The following CCDC15 variants were observed in gnomAD, a reference collection of about 807,000 sequenced individuals.
CCDC15 encodes the protein coiled-coil domain containing 15.
A neutral mutation model predicts 114.5 loss-of-function variants in CCDC15; 105 were observed. The ratio of observed to expected loss-of-function variants is 0.92; its 90% CI spans 0.78 to 1.08. CCDC15 has a LOEUF of 1.08. CCDC15 is among the 50% of genes least tolerant of loss of function. CCDC15 has a pLI of 0.00. For missense variants in CCDC15, 1,105 were observed against 1,093.6 expected, an observed-to-expected ratio of 1.01 and a Z score of -0.15; for synonymous variants, 334 against 377.8, an observed-to-expected ratio of 0.88 and a Z score of 1.34.
At chr11:125,026,207 C>T (rs1222065381) in intron 13 of CCDC15, among the ~76,000 whole-genome samples, 2 of 152,172 alleles carry the variant, frequency 1.3e-5, no homozygotes, top group African/African-American at 4.8e-5. Flanking sequence ...AGCACTTTCG[C>T]CTGTGGTGGT....
Position 124,986,750 on chromosome 11 carries a change from C to T in CCDC15, c.762C>T (p.Asp254=). 6.5e-7 allele frequency: 1 copy of T among 1,529,312 alleles called. No homozygotes were observed. Among genetic ancestry groups the T allele is most frequent in the Non-Finnish European group, 8.8e-7 (1 of 1,137,746 alleles). The allele number at this position is 1,529,312 out of a possible 1,614,324, so 94.7% of individuals were successfully genotyped here. The change falls in exon 7 of 16, where the codon GAC becomes GAT. Residue 254 remains aspartate (D), a synonymous_variant. Coordinates refer to ENST00000344762, the MANE Select transcript of CCDC15 (RefSeq NM_025004.3). ...ATTGTTTTTTTCTTTAGGAACTTGACTATGAGGAACCTGACTATGAGGAAT... is the reference window on the plus strand; with the variant it reads ...ATTGTTTTTTTCTTTAGGAACTTGATTATGAGGAACCTGACTATGAGGAAT... The part of the protein sequence containing the change: ...YQNYMENQEL[D]YEEPDYEESS...
At position 124,986,715 on chromosome 11, in the gene CCDC15, G is replaced by A. The variant is rs755076801; in HGVS notation, c.754-27G>A. The A allele has an allele frequency of 3.3e-6, 5 of 1,519,102 alleles. No individual in the cohort carries two copies. In the South Asian group the frequency reaches 3.7e-5, roughly 11 times the overall value. The allele number at this position is 1,519,102 out of a possible 1,614,324, so 94.1% of individuals were successfully genotyped here. A position where few individuals can be genotyped will look rare whatever the true frequency, so the allele number is the denominator to read the frequency against. On this transcript the variant is annotated intron_variant, in intron 6 of 15. Coordinates refer to ENST00000344762, the MANE Select transcript of CCDC15 (RefSeq NM_025004.3). Reference sequence around the variant, plus strand: ...TTTGTGTGTGTGCGCGCGCGCGCGTGCGCGTTTTCATTGTTTTTTTCTTTA... The same window carrying A: ...TTTGTGTGTGTGCGCGCGCGCGCGTACGCGTTTTCATTGTTTTTTTCTTTA...
chr11:124,981,503 C>T (rs1359716738), intron 6 of CCDC15, among the ~76,000 whole-genome samples: 1 of 151,654 alleles, frequency 6.6e-6, no homozygotes, highest in Non-Finnish European at 1.5e-5. Context: ...CACTACCACA[C>T]CTGGCTAATT....
intron 13 of CCDC15, among the ~76,000 whole-genome samples, chr11:125,031,400 A>G (rs1021406925): frequency 6.6e-6 from 1 of 152,064 alleles, no homozygotes; most frequent in Non-Finnish European, 1.5e-5. Context: ...TCCTCACATA[A>G]CTTACTTGTG....
chr11:124,977,438 C>T lies in CCDC15; in HGVS notation c.631-40C>T. The T allele has an allele frequency of 2.0e-6, 3 of 1,519,210 alleles. No individual in the cohort carries two copies. In the South Asian group the frequency reaches 3.9e-5, roughly 20 times the overall value. 94.1% of individuals were successfully genotyped at this position (1,519,210 alleles called of 1,614,324 possible). On this transcript the variant is annotated intron_variant, in intron 5 of 15. Transcript: ENST00000344762. ...ACTTAGTCTCATGAATATGTTGCTTCCTCTAGACCTATTTATATTTGTAGT... is the reference window on the plus strand; with the variant it reads ...ACTTAGTCTCATGAATATGTTGCTTTCTCTAGACCTATTTATATTTGTAGT...
intron 4 of CCDC15, among the ~76,000 whole-genome samples, chr11:124,963,099 G>A (rs1044634629): frequency 1.7e-4 from 26 of 151,912 alleles, no homozygotes; most frequent in Non-Finnish European, 3.7e-4. Context: ...GAATAGTGCT[G>A]CAATAAACAC....
At chr11:125,004,121 T>C (rs929942759) in intron 12 of CCDC15, among the ~76,000 whole-genome samples, 162 bp downstream of exon 12, 27 of 152,080 alleles carry the variant, frequency 1.8e-4, no homozygotes, top group African/African-American at 6.3e-4. Context: ...ATGTGTTGAA[T>C]TTATTTTCCA....
At chr11:124,984,007 G>A (rs1028984777) in intron 6 of CCDC15, among the ~76,000 whole-genome samples, 2 of 152,138 alleles carry the variant, frequency 1.3e-5, no homozygotes, top group Non-Finnish European at 2.9e-5. Flanking sequence ...GTGCAGCAGT[G>A]GCCGTGCAGG....
At chr11:124,974,051 T>C (rs1293498767) in intron 4 of CCDC15, among the ~76,000 whole-genome samples, 1 of 152,240 alleles carries the variant, frequency 6.6e-6, no homozygotes, top group Non-Finnish European at 1.5e-5. Context: ...CTCGTCTCAC[T>C]GCAGCCTCTG....
intron 13 of CCDC15, among the ~76,000 whole-genome samples, chr11:125,013,810 T>C (rs1948611831): frequency 6.6e-6 from 1 of 152,138 alleles, no homozygotes; most frequent in Non-Finnish European, 1.5e-5. Flanking sequence ...CTGGGAACAA[T>C]AGGAACTAAG....
At chr11:125,010,483 C>G (rs1948582547) in intron 13 of CCDC15, among the ~76,000 whole-genome samples, 1 of 151,728 alleles carries the variant, frequency 6.6e-6, no homozygotes, top group Admixed American at 6.6e-5. Flanking sequence ...GTGCCTATCT[C>G]CTGAGTAGCT....
chr11:124,991,998 T>C (rs2135492853), intron 9 of CCDC15, among the ~76,000 whole-genome samples: 1 of 152,332 alleles, frequency 6.6e-6, no homozygotes, highest in East Asian at 1.9e-4. Context: ...TACAGTATTT[T>C]TTATTCCTTC....
intron 13 of CCDC15, among the ~76,000 whole-genome samples, chr11:125,019,776 G>A (rs974583505): frequency 3.9e-5 from 6 of 151,946 alleles, no homozygotes; most frequent in African/African-American, 1.4e-4. Flanking sequence ...TGGGCTTGAA[G>A]TCTAAAAGGA....
intron 13 of CCDC15, among the ~76,000 whole-genome samples, chr11:125,028,310 A>G (rs971557107): frequency 8.5e-5 from 13 of 152,048 alleles, no homozygotes; most frequent in African/African-American, 2.9e-4. Flanking sequence ...TGATGGTGGT[A>G]TTTTGATGGG....
chr11:125,016,359 G>T, intron 13 of CCDC15, among the ~76,000 whole-genome samples: 1 of 151,850 alleles, frequency 6.6e-6, no homozygotes, highest in East Asian at 1.9e-4. Context: ...GACAAAAACT[G>T]TTGCAATAAA....
intron 11 of CCDC15, among the ~76,000 whole-genome samples, chr11:124,995,836 CTT>C (rs879919474): frequency 3.5e-5 from 5 of 144,464 alleles, no homozygotes; most frequent in East Asian, 2.0e-4. Flanking sequence ...GCCTTTTCTC[CTT>C]TTTTTTTTTT....
chr11:125,033,134 G>A (rs559460818), intron 13 of CCDC15, among the ~76,000 whole-genome samples: 5 of 152,288 alleles, frequency 3.3e-5, no homozygotes, highest in South Asian at 2.1e-4. Flanking sequence ...TCTGGATATT[G>A]ATTGAGGGGC....
At position 124,993,200 on chromosome 11, in the gene CCDC15, A is replaced by G; in HGVS notation, c.2171A>G (p.Glu724Gly). 1 of 1,607,572 alleles carries G rather than the reference A, an allele frequency of 6.2e-7. No homozygotes were observed. The highest frequency in any genetic ancestry group is 1.7e-5 in the Admixed American group (1 of 59,558). ...CATATCAAACTACCCTCATCTTTTG[A>G]GAAATGGGAGATTGCAAGAGGAAAT... ...NKHIKLPSSFEKWEIARGNTP... is the reference protein window; with the variant it reads ...NKHIKLPSSFGKWEIARGNTP... The change falls in exon 11 of 16, where the codon GAG becomes GGG. Residue 724 changes from glutamate to glycine, a missense_variant. Physicochemically the swap from Glu to Gly is moderately conservative, Grantham distance 98. Coordinates refer to ENST00000344762, the MANE Select transcript of CCDC15 (RefSeq NM_025004.3).
intron 11 of CCDC15, among the ~76,000 whole-genome samples, chr11:125,000,349 A>G (rs1284711568): frequency 6.6e-6 from 1 of 152,138 alleles, no homozygotes; most frequent in African/African-American, 2.4e-5. Flanking sequence ...TTATACTCCT[A>G]TAGGTCTGTC....
Sources: gnomAD v4.1 joint callset for allele counts (sites outside exome capture counted in the v4.1 genomes callset) on GRCh38, gnomAD v4.1.1 for gene constraint, MANE v1.5 for transcripts, NCBI Gene and HGNC (gene_info 2026-07-23, HGNC 2026-07-21) for gene names.